Variants in RNF34 observed in about 807,000 individuals in gnomAD.
RNF34 encodes E3 ubiquitin-protein ligase RNF34.
Under a neutral mutation model 37.9 loss-of-function variants are expected in RNF34, and 12 were observed. That is an observed-to-expected ratio of 0.32 (90% CI 0.20 to 0.51). The LOEUF (loss-of-function observed/expected upper bound fraction) is 0.51. Ranked by LOEUF, RNF34 falls within the 20% of genes least tolerant of loss-of-function variation. RNF34 has a pLI of 0.97. For synonymous variants in RNF34, 155 were observed against 177.2 expected (o/e 0.87, Z 1.00); for missense variants, 362 against 472.7 (o/e 0.77, Z 2.17).
chr12:121,417,468 A>C lies in RNF34; in HGVS notation c.226-36A>C. ...AAAACTCATGCTTTCATAATGGTTT[A>C]TATCTTGCTGTCATCAAATGCTTTT... On this transcript the variant is annotated intron_variant, in intron 2 of 5. Transcript: ENST00000361234. The surrounding 1 kb of genome is among the most constrained non-coding windows in gnomAD (Gnocchi z 5.0). 3 of 1,566,606 alleles carry C rather than the reference A, an allele frequency of 1.9e-6. No homozygotes were observed. Among genetic ancestry groups the C allele is most frequent in the Non-Finnish European group, 2.6e-6 (3 of 1,153,516 alleles).
chr12:121,411,690 T>C (rs1871079807), intron 1 of RNF34, among the ~76,000 whole-genome samples: 2 of 152,216 alleles, frequency 1.3e-5, no homozygotes, highest in Non-Finnish European at 1.5e-5. Context: ...TAGGAATTTT[T>C]TACACAGTTA....
chr12:121,412,389 G>A (rs2036580196), intron 1 of RNF34, among the ~76,000 whole-genome samples: 1 of 151,716 alleles, frequency 6.6e-6, no homozygotes, highest in Non-Finnish European at 1.5e-5. Flanking sequence ...ACAGGTGCCC[G>A]CCACCACGCC....
intron 1 of RNF34, among the ~76,000 whole-genome samples, chr12:121,408,978 C>CTT (rs1359212280): frequency 1.4e-5 from 2 of 146,542 alleles, no homozygotes; most frequent in Admixed American, 6.9e-5. Flanking sequence ...GTGACCCTTT[C>CTT]TTTTTTTTTT....
At chr12:121,402,732 TC>T in intron 1 of RNF34, 1 of 1,567,382 alleles carries the variant, frequency 6.4e-7, no homozygotes, top group Non-Finnish European at 8.7e-7. Flanking sequence ...CCTTTTTTTT[TC>T]TCTGAAAGGT....
Position 121,417,393 on chromosome 12 carries a change from C to G in RNF34, c.226-111C>G. 1.2e-6 allele frequency: 1 copy of G among 848,322 alleles called. No homozygotes were observed. Among genetic ancestry groups the G allele is most frequent in the Non-Finnish European group, 1.8e-6 (1 of 550,664 alleles). The allele number at this position is 848,322 out of a possible 1,614,324, so 52.5% of individuals were successfully genotyped here. A position where few individuals can be genotyped will look rare whatever the true frequency, so the allele number is the denominator to read the frequency against. On this transcript the variant is annotated intron_variant, in intron 2 of 5. Coordinates refer to ENST00000361234, the MANE Select transcript of RNF34 (RefSeq NM_025126.4). The surrounding 1 kb of genome is among the most constrained non-coding windows in gnomAD (Gnocchi z 5.0). ...TACCTCTGGAAATAGTCTGGTGCCA[C>G]TGGGGACTTCACTAAGAACTAAAAT...
intron 1 of RNF34, among the ~76,000 whole-genome samples, chr12:121,412,276 G>A (rs1209961593): frequency 1.7e-5 from 2 of 115,506 alleles, no homozygotes. Context: ...GTCCCGCTCT[G>A]TTGCCCAGGC....
intron 1 of RNF34, among the ~76,000 whole-genome samples, chr12:121,413,497 C>T (rs1035830620): frequency 2.7e-5 from 4 of 150,052 alleles, no homozygotes; most frequent in East Asian, 2.0e-4. Flanking sequence ...CTGCACCCTC[C>T]GCCTCCTGGG....
intron 1 of RNF34, among the ~76,000 whole-genome samples, chr12:121,406,607 G>A (rs1052932653): frequency 2.4e-4 from 37 of 152,128 alleles, no homozygotes; most frequent in Non-Finnish European, 1.0e-4. Flanking sequence ...TTTTAAATAC[G>A]ATACCTGGTT....
At chr12:121,414,084 T>A (rs1555281776) in intron 1 of RNF34, among the ~76,000 whole-genome samples, 1 of 152,244 alleles carries the variant, frequency 6.6e-6, no homozygotes, top group African/African-American at 2.4e-5. Context: ...AAGTGCCTTT[T>A]GCATTTTAAG....
Position 121,400,212 on chromosome 12 carries a change from C to G in RNF34, c.-1C>G, listed in dbSNP as rs782353997. The G allele has an allele frequency of 6.2e-7, 1 of 1,609,790 alleles. No individual in the cohort carries two copies. The highest frequency in any genetic ancestry group is 8.5e-7 in the Non-Finnish European group (1 of 1,179,080). On this transcript the variant is annotated 5_prime_UTR_variant, in exon 1 of 6. Transcript: ENST00000361234. ...CCGGCCGAGCTGAGGCGGTCGCGGC[C>G]ATGAAGGTGAGGGGCCGGTGGAGCC...
intron 1 of RNF34, among the ~76,000 whole-genome samples, chr12:121,407,275 CA>C (rs1870631465): frequency 6.6e-6 from 1 of 152,152 alleles, no homozygotes; most frequent in African/African-American, 2.4e-5. Flanking sequence ...GGGCTTTATT[CA>C]CGGAGGAGTA....
In RNF34 at chr12:121,423,279, G is replaced by A; in HGVS notation, c.929-107G>A. On this transcript the variant is annotated intron_variant, in intron 5 of 5. Coordinates refer to ENST00000361234, the MANE Select transcript of RNF34 (RefSeq NM_025126.4). The surrounding 1 kb of genome is among the most constrained non-coding windows in gnomAD (Gnocchi z 4.3). ...TTGTACAACACTGGGGTGGCATTGGGCCTGCAGGGGTCATTCAGCAGGTGG... is the reference window on the plus strand; with the variant it reads ...TTGTACAACACTGGGGTGGCATTGGACCTGCAGGGGTCATTCAGCAGGTGG... 2 of 777,516 alleles carry A rather than the reference G, an allele frequency of 2.6e-6. No individual in the cohort carries two copies. Among genetic ancestry groups the A allele is most frequent in the Non-Finnish European group, 2.1e-6 (1 of 483,650 alleles). 48.2% of individuals were successfully genotyped at this position (777,516 alleles called of 1,614,324 possible).
chr12:121,404,283 A>G (rs1870291362), intron 1 of RNF34, among the ~76,000 whole-genome samples: 1 of 151,052 alleles, frequency 6.6e-6, no homozygotes, highest in South Asian at 2.1e-4. Context: ...CTAGGATTAC[A>G]GGCTTGAGCC....
At chr12:121,416,918 A>T (rs1377312112) in intron 2 of RNF34, among the ~76,000 whole-genome samples, 4 of 152,206 alleles carry the variant, frequency 2.6e-5, no homozygotes, top group African/African-American at 9.6e-5. Context: ...TTAAGGAAAA[A>T]AAATGTTAGC....
rs1467641445 is a variant in RNF34 at position 121,417,071 on chromosome 12, C to T, written c.226-433C>T. Among the ~76,000 whole-genome samples, 1 of 152,194 alleles carries T rather than the reference C, an allele frequency of 6.6e-6. No homozygotes were observed. Among genetic ancestry groups the T allele is most frequent in the African/African-American group, 2.4e-5 (1 of 41,456 alleles). ...GGGTCCTGTATTTTCTTGGATTCAC[C>T]TTGAGAGATCAGTTGCCTTTCTCTT... On this transcript the variant is annotated intron_variant, in intron 2 of 5. Coordinates refer to ENST00000361234, the MANE Select transcript of RNF34 (RefSeq NM_025126.4). The surrounding 1 kb of genome is among the most constrained non-coding windows in gnomAD (Gnocchi z 5.0).
At chr12:121,421,157 A>T (rs1215141414) in intron 5 of RNF34, among the ~76,000 whole-genome samples, 1 of 152,040 alleles carries the variant, frequency 6.6e-6, no homozygotes, top group Non-Finnish European at 1.5e-5. Context: ...GTAGGGGGAA[A>T]ATTCCCTATA....
chr12:121,411,138 C>T (rs1264891790), intron 1 of RNF34, among the ~76,000 whole-genome samples: 1 of 152,154 alleles, frequency 6.6e-6, no homozygotes, highest in Non-Finnish European at 1.5e-5. Context: ...CCTATGTTGC[C>T]CAGGCTGGTC....
At chr12:121,402,638 A>C in intron 1 of RNF34, 1 of 631,332 alleles carries the variant, frequency 1.6e-6, no homozygotes, top group South Asian at 2.3e-5. Context: ...TATTGATCTC[A>C]CCATTAATTG....
At chr12:121,416,122 C>T in intron 1 of RNF34, 37 bp from the exon 2 acceptor site, 15 of 1,570,738 alleles carry the variant, frequency 9.5e-6, no homozygotes, top group Non-Finnish European at 1.1e-5. Context: ...CCAGATTCCA[C>T]TTAGCTTTAA....
Sources: allele counts gnomAD v4.1 joint callset (sites outside exome capture counted in the v4.1 genomes callset), GRCh38; gene constraint gnomAD v4.1.1; non-coding constraint Gnocchi (gnomAD v3.1); transcripts MANE v1.5; gene names NCBI Gene and HGNC (gene_info 2026-07-23, HGNC 2026-07-21).